SMARCA2: variants seen among roughly 807,000 people sequenced by gnomAD.
The protein encoded by SMARCA2 is SWI/SNF-related matrix-associated actin-dependent regulator of chromatin subfamily A member 2.
SMARCA2 carries 61 observed loss-of-function variants against 199.8 expected under a neutral mutation model. That is an observed-to-expected ratio of 0.31 (90% CI 0.25 to 0.38). The LOEUF (loss-of-function observed/expected upper bound fraction) is 0.38. Ranked by LOEUF, SMARCA2 falls within the 10% of genes least tolerant of loss-of-function variation. The pLI, the probability that SMARCA2 is intolerant of heterozygous loss-of-function variation, is 1.00. For missense variants in SMARCA2, 1,344 were observed against 2,012.2 expected (o/e 0.67, Z 6.35); for synonymous variants, 935 against 732.0 (o/e 1.28, Z -4.48).
At position 2,033,027 on chromosome 9, in the gene SMARCA2, C is replaced by T; in HGVS notation, c.301C>T (p.Pro101Ser). The T allele has an allele frequency of 6.2e-7, 1 of 1,614,130 alleles. No homozygotes were observed. Among genetic ancestry groups the T allele is most frequent in the Non-Finnish European group, 8.5e-7 (1 of 1,179,968 alleles). Residue 101 changes from proline (P) to serine (S), a missense_variant, in exon 3 of 34, where the codon CCA (proline) becomes TCA (serine). Physicochemically the swap from Pro to Ser is moderately conservative, Grantham distance 74. Transcript: ENST00000349721. ...ATCCATGAAGGGCACTGGTATGCGA[C>T]CACCTCACCCAGGCATGGGCCCTCC... ...CGSMKGTGMR[P>S]PHPGMGPPQS...
intron 3 of SMARCA2, among the ~76,000 whole-genome samples, chr9:2,037,734 A>G (rs1412290860): frequency 6.6e-6 from 1 of 152,178 alleles, no homozygotes; most frequent in African/African-American, 2.4e-5. Flanking sequence ...GAACTGTGAC[A>G]CGATTACATT....
chr9:2,124,863 A>C (rs906476785), intron 27 of SMARCA2, among the ~76,000 whole-genome samples: 5 of 152,196 alleles, frequency 3.3e-5, no homozygotes, highest in Non-Finnish European at 5.9e-5. Context: ...CTTAGTACCT[A>C]GAAAGGCACA....
intron 27 of SMARCA2, among the ~76,000 whole-genome samples, chr9:2,154,359 G>A (rs1006071394): frequency 6.6e-6 from 1 of 152,038 alleles, no homozygotes; most frequent in African/African-American, 2.4e-5. Flanking sequence ...TTAAAAGTTG[G>A]GGCTATTTTT....
chr9:2,163,726 A>G (rs1176521900), intron 28 of SMARCA2, among the ~76,000 whole-genome samples: 1 of 152,038 alleles, frequency 6.6e-6, no homozygotes, highest in Non-Finnish European at 1.5e-5. Flanking sequence ...TTACTTGCTG[A>G]GTGAGTCAAG....
intron 4 of SMARCA2, chr9:2,042,676 C>T (rs1372509480): frequency 6.7e-5 from 10 of 149,118 alleles, no homozygotes; most frequent in African/African-American, 2.0e-4. Flanking sequence ...TTTTTTTTAA[C>T]CTGGCTCCGG....
At position 2,171,675 on chromosome 9, in the gene SMARCA2, G is replaced by T. The variant is rs554987585; in HGVS notation, c.4253+1203G>T. 5.3e-5 allele frequency among the ~76,000 whole-genome samples: 8 copies of T among 152,306 alleles called. No individual in the cohort carries two copies. The East Asian group carries it at 1.5e-3, about 29-fold the overall frequency. ...ATTCTGACTTGGAGATTGAAACAACGAATAGTTGACTTCATAAGTTTGGGC... is the reference window on the plus strand; with the variant it reads ...ATTCTGACTTGGAGATTGAAACAACTAATAGTTGACTTCATAAGTTTGGGC... On this transcript the variant is annotated intron_variant, in intron 29 of 33. Transcript: ENST00000349721.
At chr9:2,167,022 C>A (rs546840676) in intron 28 of SMARCA2, among the ~76,000 whole-genome samples, 71 of 152,296 alleles carry the variant, frequency 4.7e-4, no homozygotes, top group African/African-American at 1.7e-3. Context: ...ATAATTTCTT[C>A]TAAATTTTTA....
chr9:2,108,735 G>A (rs140540709), intron 23 of SMARCA2, among the ~76,000 whole-genome samples: 44 of 152,238 alleles, frequency 2.9e-4, no homozygotes, highest in African/African-American at 8.4e-4. Context: ...CATTAGCGTC[G>A]TGAACAGATA....
At chr9:2,072,201 A>G (rs1237420195) in intron 10 of SMARCA2, 1 of 152,236 alleles carries the variant, frequency 6.6e-6, no homozygotes, top group Non-Finnish European at 1.5e-5. Flanking sequence ...AAATTTTGGA[A>G]TTCATGAATT....
In SMARCA2 at chr9:2,047,484, G is replaced by T; in HGVS notation, c.1046G>T (p.Arg349Ile). ...GAAATTCTGCAAGAGCGGGAATACA[G>T]GTAACGCACCCCGCCAGCAAGGGGC... ...PVEILQEREY[R>I]LQARIAHRIQ... Residue 349 changes from arginine to isoleucine, a missense_variant and splice_region_variant, in exon 5 of 34, where the codon AGA becomes ATA. By Grantham distance (97) the Arg-to-Ile change is moderately conservative. Around this residue, in one of 18 missense-constraint regions of SMARCA2, gnomAD observed 155 missense variants for 260.0 expected, o/e 0.60. Transcript: ENST00000349721. 1 of 1,485,672 alleles carries T rather than the reference G, an allele frequency of 6.7e-7. No homozygotes were observed. The highest frequency in any genetic ancestry group is 9.0e-7 in the Non-Finnish European group (1 of 1,113,256). The allele number at this position is 1,485,672 out of a possible 1,614,324, so 92.0% of individuals were successfully genotyped here.
chr9:2,102,397 G>C (rs1279528024), intron 22 of SMARCA2, among the ~76,000 whole-genome samples: 1 of 152,134 alleles, frequency 6.6e-6, no homozygotes, highest in African/African-American at 2.4e-5. Context: ...AGGGTATTTG[G>C]AGAACAGTTC....
intron 19 of SMARCA2, among the ~76,000 whole-genome samples, chr9:2,091,184 C>T (rs1051514355): frequency 2.0e-5 from 3 of 152,064 alleles, no homozygotes; most frequent in African/African-American, 7.3e-5. Context: ...ACCATGCCCA[C>T]AACAAAAATT....
chr9:2,123,612 G>A lies in SMARCA2; in HGVS notation c.3763-107G>A. On this transcript the variant is annotated intron_variant, in intron 26 of 33. Coordinates refer to ENST00000349721, the MANE Select transcript of SMARCA2 (RefSeq NM_003070.5). The surrounding 1 kb of genome is among the most constrained non-coding windows in gnomAD (Gnocchi z 4.1). ...CCAACCAGGATGAGAGAGGTTGAAA[G>A]GGACCCTGCAGCCATAGGAAGTGAC... 4 of 932,732 alleles carry A rather than the reference G, an allele frequency of 4.3e-6. No homozygotes were observed. Among genetic ancestry groups the A allele is most frequent in the Non-Finnish European group, 6.8e-6 (4 of 584,464 alleles). 57.8% of individuals were successfully genotyped at this position (932,732 alleles called of 1,614,324 possible).
At chr9:2,189,330 G>C (rs190622452) in intron 32 of SMARCA2, among the ~76,000 whole-genome samples, 1 of 152,056 alleles carries the variant, frequency 6.6e-6, no homozygotes, top group South Asian at 2.1e-4. Flanking sequence ...TGTCAGGTGG[G>C]TTTTTTGGAG....
Position 2,115,869 on chromosome 9 carries a change from G to A in SMARCA2, c.3504G>A (p.Glu1168=). 1 of 1,614,052 alleles carries A rather than the reference G, an allele frequency of 6.2e-7. No individual in the cohort carries two copies. Among genetic ancestry groups the A allele is most frequent in the South Asian group, 1.1e-5 (1 of 91,068 alleles). The change falls in exon 25 of 34, where the codon GAG becomes GAA. Residue 1168 remains glutamate, a synonymous_variant. Coordinates refer to ENST00000349721, the MANE Select transcript of SMARCA2 (RefSeq NM_003070.5). The surrounding 1 kb of genome is among the most constrained non-coding windows in gnomAD (Gnocchi z 6.0). ...DRAHRIGQQN[E]VRVLRLCTVN... Reference sequence around the variant, plus strand: ...CTCACCGCATCGGGCAGCAGAACGAGGTCCGGGTACTGAGGCTCTGTACCG... The same window carrying A: ...CTCACCGCATCGGGCAGCAGAACGAAGTCCGGGTACTGAGGCTCTGTACCG...
intron 27 of SMARCA2, among the ~76,000 whole-genome samples, chr9:2,128,990 G>T (rs916151953): frequency 2.0e-5 from 3 of 152,288 alleles, no homozygotes; most frequent in Admixed American, 6.5e-5. Context: ...GGGTCCCGAG[G>T]CCCCCCACAC....
chr9:2,181,693 C>A lies in SMARCA2; in HGVS notation c.4359+17C>A. 8.2e-7 allele frequency: 1 copy of A among 1,216,784 alleles called. No individual in the cohort carries two copies. Among genetic ancestry groups the A allele is most frequent in the Non-Finnish European group, 1.2e-6 (1 of 818,872 alleles). 75.4% of individuals were successfully genotyped at this position (1,216,784 alleles called of 1,614,324 possible). ...AAAATAAAGGTAGATATTTTGTTTA[C>A]CAACTTTATTCTTCAAGTAAATAAA... On this transcript the variant is annotated intron_variant, in intron 30 of 33. Coordinates refer to ENST00000349721, the MANE Select transcript of SMARCA2 (RefSeq NM_003070.5).
chr9:2,125,068 G>A (rs1332316750), intron 27 of SMARCA2, among the ~76,000 whole-genome samples: 1 of 152,198 alleles, frequency 6.6e-6, no homozygotes, highest in African/African-American at 2.4e-5. Context: ...TAGAAAGGCA[G>A]TGGGCAGAAT....
chr9:2,157,974 C>T (rs1317970928), intron 27 of SMARCA2: 6 of 397,654 alleles, frequency 1.5e-5, no homozygotes, highest in Non-Finnish European at 2.7e-5. Context: ...AGCTGCAAAG[C>T]GTTTCCTCTA....
Sources: gnomAD v4.1 joint callset for allele counts (sites outside exome capture counted in the v4.1 genomes callset) on GRCh38, gnomAD v4.1.1 for gene constraint, gnomAD v4.1.1 regional missense constraint, Gnocchi (gnomAD v3.1) non-coding constraint, MANE v1.5 for transcripts, NCBI Gene and HGNC (gene_info 2026-07-23, HGNC 2026-07-21) for gene names.